Variants in P2RY14 observed in about 807,000 individuals in gnomAD.
P2RY14 encodes the protein P2Y purinoceptor 14.
In P2RY14, 2 loss-of-function variants were observed where a neutral mutation model predicts 0.9. The observed-to-expected ratio is 2.16, with a 90% CI of 0.88 to 6.79. The LOEUF (loss-of-function observed/expected upper bound fraction) is 6.79. P2RY14 is among the 30% of genes most tolerant of loss of function. The probability of loss-of-function intolerance (pLI) is 0.05; values close to 1 mark genes in which losing one functional copy is unlikely to be tolerated. For missense variants in P2RY14, 378 were observed against 400.1 expected, an observed-to-expected ratio of 0.94 and a Z score of 0.47; for synonymous variants, 158 against 147.2, an observed-to-expected ratio of 1.07 and a Z score of -0.53.
intron 1 of P2RY14, among the ~76,000 whole-genome samples, chr3:151,269,018 C>T (rs1740357107): frequency 3.3e-5 from 5 of 152,160 alleles, no homozygotes; most frequent in Admixed American, 2.6e-4. Context: ...AAGACTACTT[C>T]CTGCTCTGAG....
intron 1 of P2RY14, among the ~76,000 whole-genome samples, chr3:151,231,015 GAC>G (rs1731560507): frequency 6.6e-6 from 1 of 152,206 alleles, no homozygotes; most frequent in African/African-American, 2.4e-5. Context: ...GCTAAAAAAG[GAC>G]ACAGAAGCCG....
At chr3:151,250,079 A>C (rs1421316632) in intron 1 of P2RY14, among the ~76,000 whole-genome samples, 1 of 152,126 alleles carries the variant, frequency 6.6e-6, no homozygotes, top group Non-Finnish European at 1.5e-5. Flanking sequence ...CGGTACCTTT[A>C]TCTCCTTATC....
intron 1 of P2RY14, among the ~76,000 whole-genome samples, chr3:151,242,757 C>A (rs915225854): frequency 2.0e-5 from 3 of 152,154 alleles, no homozygotes; most frequent in Admixed American, 6.6e-5. Context: ...CGGAACAAAG[C>A]TGGATGGAGA....
chr3:151,274,448 A>G (rs1741517051), intron 1 of P2RY14, among the ~76,000 whole-genome samples: 1 of 152,240 alleles, frequency 6.6e-6, no homozygotes, highest in Non-Finnish European at 1.5e-5. Flanking sequence ...TAGTGGGGAA[A>G]GAGGCAGTGA....
chr3:151,248,208 A>G (rs1441177039), intron 1 of P2RY14, among the ~76,000 whole-genome samples: 1 of 152,076 alleles, frequency 6.6e-6, no homozygotes, highest in African/African-American at 2.4e-5. Context: ...GGAAAGGAAA[A>G]TTAAAACCTA....
chr3:151,233,194 G>C (rs1461526756), intron 1 of P2RY14, among the ~76,000 whole-genome samples: 1 of 152,166 alleles, frequency 6.6e-6, no homozygotes, highest in Non-Finnish European at 1.5e-5. Flanking sequence ...GAGCCCGGCT[G>C]CCTCACCTCC....
Position 151,213,331 on chromosome 3 carries a change from T to G in P2RY14, c.986A>C (p.Asn329Thr). ...AGTATCTGTGCTTTCAAGTGTTGTA[T>G]TTCCTCTTTTGATTCTGGAAATGTC... is the stretch of plus-strand genomic sequence containing the variant. ...DLDISRIKRG[N>T]TTLESTDTL Residue 329 changes from asparagine to threonine, a missense_variant, in exon 3 of 3, where the codon AAT becomes ACT. Transcript: ENST00000309170. The G allele has an allele frequency of 6.2e-7, 1 of 1,612,312 alleles. No homozygotes were observed.
intron 2 of P2RY14, among the ~76,000 whole-genome samples, chr3:151,218,321 T>C (rs761424399): frequency 6.6e-6 from 1 of 152,058 alleles, no homozygotes; most frequent in Non-Finnish European, 1.5e-5. Flanking sequence ...AGAAAAAAAT[T>C]AAAAGATGAA....
chr3:151,214,541 C>T lies in P2RY14; in HGVS notation c.-24-201G>A, dbSNP rs910981141. ...TCTTTTGGTCTTCCTTTTCTCCTTTCCCTCCCTCTTTCCCCCTTTACCCAC... is the reference window on the plus strand; with the variant it reads ...TCTTTTGGTCTTCCTTTTCTCCTTTTCCTCCCTCTTTCCCCCTTTACCCAC... On this transcript the variant is annotated intron_variant, in intron 2 of 2. Transcript: ENST00000309170. Among the ~76,000 whole-genome samples, 39 of 151,850 alleles carry T rather than the reference C, an allele frequency of 2.6e-4. 1 individual carries two copies. Among genetic ancestry groups the T allele is most frequent in the Middle Eastern group, 3.2e-3 (1 of 316 alleles).
At chr3:151,216,151 C>A (rs745468475) in intron 2 of P2RY14, among the ~76,000 whole-genome samples, 21 of 152,094 alleles carry the variant, frequency 1.4e-4, no homozygotes, top group African/African-American at 5.1e-4. Flanking sequence ...TTTTTTTACT[C>A]TTGAATTCTT....
intron 1 of P2RY14, among the ~76,000 whole-genome samples, chr3:151,237,299 A>C (rs1733043646): frequency 6.7e-6 from 1 of 148,232 alleles, no homozygotes. Flanking sequence ...CAGCCTCCCA[A>C]AGTGCTGGGA....
At chr3:151,253,978 T>C (rs1737316224) in intron 1 of P2RY14, among the ~76,000 whole-genome samples, 1 of 148,752 alleles carries the variant, frequency 6.7e-6, no homozygotes, top group Admixed American at 6.8e-5. Flanking sequence ...ATATACCTTC[T>C]TTTTGTTTTG....
chr3:151,251,461 C>T (rs1271677238), intron 1 of P2RY14, among the ~76,000 whole-genome samples: 1 of 152,076 alleles, frequency 6.6e-6, no homozygotes, highest in Admixed American at 6.6e-5. Flanking sequence ...TGTTCCCTGC[C>T]TTCAATCTGC....
At chr3:151,251,024 CTG>C (rs553682689) in intron 1 of P2RY14, among the ~76,000 whole-genome samples, 1 of 152,242 alleles carries the variant, frequency 6.6e-6, no homozygotes, top group Non-Finnish European at 1.5e-5. Flanking sequence ...ATGATTCTCT[CTG>C]TGGTACTTTG....
intron 1 of P2RY14, among the ~76,000 whole-genome samples, chr3:151,271,772 C>T (rs1333568801): frequency 6.6e-6 from 1 of 152,108 alleles, no homozygotes; most frequent in Non-Finnish European, 1.5e-5. Context: ...CAGACACAAA[C>T]GACTATGTAC....
chr3:151,219,353 T>A (rs1466863203), intron 2 of P2RY14, among the ~76,000 whole-genome samples, 182 bp downstream of exon 2: 1 of 152,256 alleles, frequency 6.6e-6, no homozygotes, highest in African/African-American at 2.4e-5. Context: ...TAGTCAGCTC[T>A]GAGTTCATTA....
chr3:151,234,588 A>G (rs939004586), intron 1 of P2RY14, among the ~76,000 whole-genome samples: 1 of 152,206 alleles, frequency 6.6e-6, no homozygotes, highest in Admixed American at 6.5e-5. Context: ...GACCAAAAAT[A>G]TCCTTATTTT....
intron 1 of P2RY14, among the ~76,000 whole-genome samples, chr3:151,253,507 G>T (rs1737232533): frequency 6.6e-6 from 1 of 152,142 alleles, no homozygotes; most frequent in South Asian, 2.1e-4. Context: ...CTTTAGTGGA[G>T]CTTTCCTTTA....
chr3:151,225,303 T>C (rs1424738926), intron 1 of P2RY14, among the ~76,000 whole-genome samples: 1 of 152,208 alleles, frequency 6.6e-6, no homozygotes, highest in Non-Finnish European at 1.5e-5. Flanking sequence ...TCTGCTGCTA[T>C]AACAATACTA....
Sources: allele counts gnomAD v4.1 joint callset (sites outside exome capture counted in the v4.1 genomes callset), GRCh38; gene constraint gnomAD v4.1.1; transcripts MANE v1.5; gene names NCBI Gene and HGNC (gene_info 2026-07-23, HGNC 2026-07-21).